Variants in DPP10 observed in about 807,000 individuals in gnomAD.
DPP10 encodes inactive dipeptidyl peptidase 10.
A neutral mutation model predicts 120.9 loss-of-function variants in DPP10; 33 were observed. The ratio of observed to expected loss-of-function variants is 0.27; its 90% CI spans 0.21 to 0.37. The LOEUF (loss-of-function observed/expected upper bound fraction) is 0.37, where lower values mean the gene tolerates loss of function less well. Among genes scored for constraint, DPP10 ranks in the 10% least tolerant of loss-of-function variants. The pLI is 1.00. For synonymous variants in DPP10, 337 were observed against 326.1 expected (o/e 1.03, Z -0.36); for missense variants, 816 against 942.8 (o/e 0.87, Z 1.76).
chr2:114,664,896 AGAGAG>A (rs1361686858), intron 1 of DPP10, among the ~76,000 whole-genome samples: 15 of 151,494 alleles, frequency 9.9e-5, no homozygotes, highest in African/African-American at 3.4e-4. Flanking sequence ...AAAAGATGGC[AGAGAG>A]CATCCAAAAG....
intron 21 of DPP10, among the ~76,000 whole-genome samples, chr2:115,823,191 A>G (rs1687980816): frequency 6.6e-6 from 1 of 151,826 alleles, no homozygotes; most frequent in African/African-American, 2.4e-5. Context: ...TTGGAATTTT[A>G]TCTATGGGGA....
intron 3 of DPP10, among the ~76,000 whole-genome samples, chr2:115,494,194 C>A (rs1012959231): frequency 6.6e-6 from 1 of 152,068 alleles, no homozygotes; most frequent in East Asian, 1.9e-4. Flanking sequence ...CCACCCACCT[C>A]GACCTCCCAA....
At chr2:115,655,394 T>A (rs1009597999) in intron 5 of DPP10, among the ~76,000 whole-genome samples, 26 of 151,526 alleles carry the variant, frequency 1.7e-4, no homozygotes, top group African/African-American at 5.8e-4. Flanking sequence ...AAAATAAAAC[T>A]TTTTTTTAGA....
intron 1 of DPP10, among the ~76,000 whole-genome samples, chr2:114,687,168 A>C (rs72955645): frequency 6.6e-6 from 1 of 151,942 alleles, no homozygotes. Flanking sequence ...AGGAGCAGAC[A>C]TTGGTTGGCT....
At chr2:115,457,938 ATG>A (rs2073706107) in intron 3 of DPP10, among the ~76,000 whole-genome samples, 1 of 152,160 alleles carries the variant, frequency 6.6e-6, no homozygotes. Flanking sequence ...GTGGATAAAA[ATG>A]TATATATATA....
At chr2:115,479,716 G>T (rs2075312610) in intron 3 of DPP10, among the ~76,000 whole-genome samples, 1 of 152,070 alleles carries the variant, frequency 6.6e-6, no homozygotes, top group Admixed American at 6.6e-5. Context: ...AATCAAATTT[G>T]CTCCAGCTTT....
intron 1 of DPP10, among the ~76,000 whole-genome samples, chr2:114,816,027 T>C (rs1254682284): frequency 6.6e-6 from 1 of 152,174 alleles, no homozygotes; most frequent in Non-Finnish European, 1.5e-5. Flanking sequence ...ATATAGATCA[T>C]GTTACTCTTG....
At chr2:115,461,254 T>G (rs2073968951) in intron 3 of DPP10, among the ~76,000 whole-genome samples, 2 of 152,120 alleles carry the variant, frequency 1.3e-5, no homozygotes, top group African/African-American at 4.8e-5. Flanking sequence ...GGGCATTCTT[T>G]GGAGTGGCAG....
chr2:115,820,790 C>A (rs1364625789), intron 21 of DPP10, among the ~76,000 whole-genome samples: 1 of 126,818 alleles, frequency 7.9e-6, no homozygotes, highest in Non-Finnish European at 1.7e-5. Context: ...GAGTAGTATT[C>A]CATGGTGTAT....
At chr2:115,461,886 C>T (rs546597285) in intron 3 of DPP10, among the ~76,000 whole-genome samples, 1 of 152,226 alleles carries the variant, frequency 6.6e-6, no homozygotes, top group Non-Finnish European at 1.5e-5. Flanking sequence ...CTCTTTCTCT[C>T]TGTTTCTTTC....
intron 1 of DPP10, among the ~76,000 whole-genome samples, chr2:114,542,338 G>A (rs933603494): frequency 6.6e-6 from 1 of 151,946 alleles, no homozygotes; most frequent in Non-Finnish European, 1.5e-5. Context: ...ATGAGCCACC[G>A]TGCCTGGCCG....
At chr2:115,651,056 T>G (rs1407946855) in intron 5 of DPP10, among the ~76,000 whole-genome samples, 1 of 152,012 alleles carries the variant, frequency 6.6e-6, no homozygotes, top group Non-Finnish European at 1.5e-5. Flanking sequence ...TTACATGGTA[T>G]AACAAAGCAT....
intron 5 of DPP10, among the ~76,000 whole-genome samples, chr2:115,561,531 C>G (rs2080674548): frequency 6.6e-6 from 1 of 152,006 alleles, no homozygotes; most frequent in Non-Finnish European, 1.5e-5. Flanking sequence ...TATTTTTCCA[C>G]TCATTTTCAA....
At chr2:115,664,867 A>G (rs2089318226) in intron 5 of DPP10, among the ~76,000 whole-genome samples, 1 of 130,878 alleles carries the variant, frequency 7.6e-6, no homozygotes, top group African/African-American at 2.5e-5. Flanking sequence ...CATCGCCACT[A>G]GTCACATGTG....
At chr2:114,559,620 T>C (rs1265068620) in intron 1 of DPP10, among the ~76,000 whole-genome samples, 1 of 152,170 alleles carries the variant, frequency 6.6e-6, no homozygotes, top group Non-Finnish European at 1.5e-5. Context: ...TCGCCATCCC[T>C]GTTCCCTATT....
intron 3 of DPP10, among the ~76,000 whole-genome samples, chr2:115,439,186 AGTG>A (rs2071783289): frequency 7.5e-6 from 1 of 133,148 alleles, no homozygotes; most frequent in Non-Finnish European, 1.5e-5. Flanking sequence ...AGTGTGGAAT[AGTG>A]GCTAAGATGG....
intron 1 of DPP10, among the ~76,000 whole-genome samples, chr2:114,564,328 C>A (rs188736059): frequency 6.6e-6 from 1 of 151,878 alleles, no homozygotes; most frequent in Admixed American, 6.6e-5. Flanking sequence ...ATTATCTAAC[C>A]AAGCAGAAAC....
intron 3 of DPP10, among the ~76,000 whole-genome samples, chr2:115,378,380 TTG>T (rs2065987135): frequency 6.6e-6 from 1 of 151,150 alleles, no homozygotes; most frequent in Non-Finnish European, 1.5e-5. Context: ...ATAAGAATGC[TTG>T]TGATTTTTGT....
At chr2:115,770,220 C>T (rs1235770941) in intron 13 of DPP10, among the ~76,000 whole-genome samples, 1 of 151,910 alleles carries the variant, frequency 6.6e-6, no homozygotes, top group Non-Finnish European at 1.5e-5. Context: ...GTGATGTTGA[C>T]ATGCAGGAAT....
Sources: allele counts gnomAD v4.1 joint callset (sites outside exome capture counted in the v4.1 genomes callset), GRCh38; gene constraint gnomAD v4.1.1; transcripts MANE v1.5; gene names NCBI Gene and HGNC (gene_info 2026-07-23, HGNC 2026-07-21).